FHOD3: variants seen among roughly 807,000 people sequenced by gnomAD.
FHOD3 encodes formin homology 2 domain containing 3, also known as FH1/FH2 domain-containing protein 3.
FHOD3 carries 90 observed loss-of-function variants against 173.0 expected under a neutral mutation model. The observed-to-expected ratio is 0.52, with a 90% confidence interval of 0.44 to 0.62. The LOEUF is 0.62. Ranked by LOEUF, FHOD3 falls within the 20% of genes least tolerant of loss-of-function variation. The probability of loss-of-function intolerance (pLI) is 0.00; values close to 1 mark genes in which losing one functional copy is unlikely to be tolerated. For synonymous variants in FHOD3, 828 were observed against 823.0 expected (o/e 1.01, Z -0.10); for missense variants, 1,945 against 2,034.7 (o/e 0.96, Z 0.85).
At chr18:36,679,691 T>C (rs1413319405) in intron 14 of FHOD3, among the ~76,000 whole-genome samples, 1 of 152,200 alleles carries the variant, frequency 6.6e-6, no homozygotes, top group East Asian at 1.9e-4. Flanking sequence ...TGGATTTTTT[T>C]CAAATTTATC....
intron 2 of FHOD3, among the ~76,000 whole-genome samples, chr18:36,368,900 C>T (rs995269066): frequency 6.6e-6 from 1 of 152,120 alleles, no homozygotes; most frequent in South Asian, 2.1e-4. Context: ...CAATCACCCC[C>T]CACCAGGTCC....
At chr18:36,325,766 C>T (rs898681994) in intron 1 of FHOD3, among the ~76,000 whole-genome samples, 1 of 151,998 alleles carries the variant, frequency 6.6e-6, no homozygotes, top group Non-Finnish European at 1.5e-5. Flanking sequence ...CAGCCTGCAC[C>T]CACAGATTAA....
chr18:36,762,986 T>C (rs988419825), intron 27 of FHOD3, among the ~76,000 whole-genome samples: 2 of 148,380 alleles, frequency 1.3e-5, no homozygotes, highest in African/African-American at 4.9e-5. Flanking sequence ...ATATACGTTA[T>C]ATATGCGTAT....
chr18:36,298,675 C>A (rs1217078224), intron 1 of FHOD3, among the ~76,000 whole-genome samples: 1 of 151,630 alleles, frequency 6.6e-6, no homozygotes, highest in Non-Finnish European at 1.5e-5. Flanking sequence ...CGCGGAGGGG[C>A]GGCGCGCTCA....
chr18:36,329,059 A>G (rs2044834483), intron 1 of FHOD3, among the ~76,000 whole-genome samples: 1 of 152,138 alleles, frequency 6.6e-6, no homozygotes, highest in African/African-American at 2.4e-5. Flanking sequence ...AAAGTGTGGG[A>G]AAGATTGGGG....
At chr18:36,357,184 T>C (rs186825307) in intron 2 of FHOD3, among the ~76,000 whole-genome samples, 1 of 152,350 alleles carries the variant, frequency 6.6e-6, no homozygotes, top group East Asian at 1.9e-4. Flanking sequence ...CTTAGTTTCA[T>C]ATAGCTATTT....
At chr18:36,597,336 G>A (rs2030614530) in intron 7 of FHOD3, among the ~76,000 whole-genome samples, 1 of 152,034 alleles carries the variant, frequency 6.6e-6, no homozygotes, top group Admixed American at 6.6e-5. Flanking sequence ...TAAAACAATG[G>A]CCATCTTTTC....
At chr18:36,552,635 A>T (rs1039515813) in intron 5 of FHOD3, among the ~76,000 whole-genome samples, 1 of 151,628 alleles carries the variant, frequency 6.6e-6, no homozygotes, top group African/African-American at 2.4e-5. Context: ...AGTAGCTGGG[A>T]CTACAGGTGC....
chr18:36,470,364 C>G (rs534323024), intron 3 of FHOD3, among the ~76,000 whole-genome samples: 1 of 152,296 alleles, frequency 6.6e-6, no homozygotes, highest in East Asian at 1.9e-4. Flanking sequence ...TGTGAAGGAA[C>G]TGGATTAGCT....
Position 36,649,006 on chromosome 18 carries a change from G to C in FHOD3, c.1197-310G>C, listed in dbSNP as rs542506773. 2.1e-4 allele frequency among the ~76,000 whole-genome samples: 32 copies of C among 152,304 alleles called. No homozygotes were observed. In the South Asian group the frequency reaches 6.6e-3, roughly 32 times the overall value. ...GGTCTGCCCATGGCCAGAAGCTTCTGTGAATTGCATGTAGGGGGTGCAGGG... is the reference window on the plus strand; with the variant it reads ...GGTCTGCCCATGGCCAGAAGCTTCTCTGAATTGCATGTAGGGGGTGCAGGG... On this transcript the variant is annotated intron_variant, in intron 10 of 28. Transcript: ENST00000590592.
chr18:36,363,644 G>A (rs1176264684), intron 2 of FHOD3, among the ~76,000 whole-genome samples: 1 of 152,154 alleles, frequency 6.6e-6, no homozygotes, highest in Admixed American at 6.5e-5. Context: ...TTGAGATTGG[G>A]AGATGGGTAG....
chr18:36,710,377 GCAATATGACACCTCTA>G (rs2040106932), intron 18 of FHOD3: 2 of 152,186 alleles, frequency 1.3e-5, no homozygotes, highest in African/African-American at 4.8e-5. Flanking sequence ...GGCCCAAAGG[GCAATATGACACCTCTA>G]CAAAGGCCTG....
chr18:36,643,371 C>T (rs1296470891), intron 10 of FHOD3, among the ~76,000 whole-genome samples: 1 of 151,998 alleles, frequency 6.6e-6, no homozygotes, highest in Non-Finnish European at 1.5e-5. Context: ...CAATAGCATT[C>T]CCTGCCCTCC....
In FHOD3 at chr18:36,481,020, GTTTTTTTTTTT is replaced by G. The variant is rs35793521; in HGVS notation, c.338-20900_338-20890del. Among the ~76,000 whole-genome samples the G allele has an allele frequency of 5.6e-4, 58 of 104,446 alleles. 3 individuals are homozygous for G. Among genetic ancestry groups the G allele is most frequent in the African/African-American group, 2.2e-3 (56 of 24,990 alleles). The allele number at this position is 104,446 out of a possible 152,430, so 68.5% of individuals were successfully genotyped here. ...GCCAGGCTGGGCATATTGGGAGGTG[GTTTTTTTTTTT>G]TTTTTTTTTTTGCGTTTAAAGAGCA... On this transcript the variant is annotated intron_variant, in intron 3 of 28. Coordinates refer to ENST00000590592, the MANE Select transcript of FHOD3 (RefSeq NM_001281740.3).
At chr18:36,407,388 G>A (rs965960398) in intron 3 of FHOD3, among the ~76,000 whole-genome samples, 2 of 152,168 alleles carry the variant, frequency 1.3e-5, no homozygotes, top group Non-Finnish European at 2.9e-5. Context: ...GTCTGCCGGT[G>A]CTTGTGAGCA....
At chr18:36,527,412 A>C (rs2056573433) in intron 5 of FHOD3, among the ~76,000 whole-genome samples, 1 of 152,252 alleles carries the variant, frequency 6.6e-6, no homozygotes, top group Non-Finnish European at 1.5e-5. Flanking sequence ...GTAGCAGTGC[A>C]TCCTGTCATC....
At chr18:36,563,601 T>A (rs1259521560) in intron 5 of FHOD3, among the ~76,000 whole-genome samples, 1 of 152,250 alleles carries the variant, frequency 6.6e-6, no homozygotes, top group Non-Finnish European at 1.5e-5. Context: ...TATGACTGCG[T>A]AAGCTCCATA....
intron 3 of FHOD3, among the ~76,000 whole-genome samples, chr18:36,477,536 C>CACCT (rs2053642398): frequency 1.5e-5 from 1 of 66,582 alleles, no homozygotes; most frequent in Admixed American, 1.8e-4. Flanking sequence ...TCCACCCACC[C>CACCT]ACCCACCCAC....
At chr18:36,506,579 T>C (rs1200835774) in intron 4 of FHOD3, among the ~76,000 whole-genome samples, 3 of 152,238 alleles carry the variant, frequency 2.0e-5, no homozygotes, top group Admixed American at 2.0e-4. Flanking sequence ...TTGAAGTTTT[T>C]AACATTGGTG....
Sources: allele counts gnomAD v4.1 joint callset (sites outside exome capture counted in the v4.1 genomes callset), GRCh38; gene constraint gnomAD v4.1.1; transcripts MANE v1.5; gene names NCBI Gene and HGNC (gene_info 2026-07-23, HGNC 2026-07-21).